The following EIF5B variants were observed in gnomAD, a reference collection of about 807,000 sequenced individuals.
EIF5B encodes eukaryotic translation initiation factor 5B, also known as eIF-5B.
A neutral mutation model predicts 147.5 loss-of-function variants in EIF5B; 47 were observed. The observed-to-expected ratio is 0.32, with a 90% CI of 0.25 to 0.41. The LOEUF is 0.41. EIF5B is among the 10% of genes least tolerant of loss of function. The probability of loss-of-function intolerance (pLI) is 1.00; values close to 1 mark genes in which losing one functional copy is unlikely to be tolerated. For missense variants in EIF5B, 1,064 were observed against 1,413.2 expected (o/e 0.75, Z 3.96); for synonymous variants, 455 against 456.2 (o/e 1.00, Z 0.03).
At chr2:99,386,468 C>CGTGTGTGTGT (rs61494312) in intron 14 of EIF5B, among the ~76,000 whole-genome samples, 31 of 142,482 alleles carry the variant, frequency 2.2e-4, no homozygotes, top group African/African-American at 7.4e-4. Context: ...TTTTGTTTTG[C>CGTGTGTGTGT]GTGTGTGTGT....
In EIF5B at chr2:99,393,115, AT is replaced by A; in HGVS notation, c.2880+24del. ...GTTCTTAAAGTAAGTTCATTTAAAA[AT>A]TTTTTTCCTTAAAAGCTATTTGAGT... On this transcript the variant is annotated intron_variant, in intron 18 of 23. Transcript: ENST00000289371. 5 of 1,503,592 alleles carry A rather than the reference AT, an allele frequency of 3.3e-6. No homozygotes were observed. Among genetic ancestry groups the A allele is most frequent in the East Asian group, 2.5e-5 (1 of 40,292 alleles). 93.1% of individuals were successfully genotyped at this position (1,503,592 alleles called of 1,614,324 possible).
intron 15 of EIF5B, 35 bp downstream of exon 15, chr2:99,389,884 C>A (rs1674887290): frequency 6.3e-7 from 1 of 1,582,876 alleles, no homozygotes; most frequent in South Asian, 1.2e-5. Flanking sequence ...AAGAGCCTAT[C>A]TCAGAATATG....
At chr2:99,340,506 GTTA>G (rs1417718996) in intron 1 of EIF5B, 1 of 152,164 alleles carries the variant, frequency 6.6e-6, no homozygotes, top group Non-Finnish European at 1.5e-5. Flanking sequence ...TGCTTATTTA[GTTA>G]TCAAGAGAAG....
In EIF5B at chr2:99,368,817, A is replaced by G. The variant is rs148197801; in HGVS notation, c.1387+226A>G. On this transcript the variant is annotated intron_variant, in intron 7 of 23. Transcript: ENST00000289371. ...AAAATCTGGGTTCTACCCTATGAAT[A>G]TTGTAACTGTTGTTAACTCTGAGAA... Among the ~76,000 whole-genome samples, 1,406 of 152,348 alleles carry G rather than the reference A, an allele frequency of 9.2e-3. 6 individuals are homozygous for G. The highest frequency in any genetic ancestry group is 0.017 in the Middle Eastern group (5 of 294).
Position 99,400,964 on chromosome 2 carries a change from TATTA to T in EIF5B, c.*1552_*1555del. ...TGTACAAAATATACATACAGTTCTTTATTAAACAACTGTAAACACTTCACTGTAA... is the reference window on the plus strand; with the variant it reads ...TGTACAAAATATACATACAGTTCTTTAACAACTGTAAACACTTCACTGTAA... On this transcript the variant is annotated 3_prime_UTR_variant, in exon 24 of 24. Transcript: ENST00000289371. 4.7e-6 allele frequency: 1 copy of T among 211,080 alleles called. No individual in the cohort carries two copies. The allele number at this position is 211,080 out of a possible 1,614,324, so 13.1% of individuals were successfully genotyped here.
intron 13 of EIF5B, 41 bp from the exon 14 acceptor site, chr2:99,382,739 C>A (rs757206514): frequency 1.3e-6 from 2 of 1,540,806 alleles, no homozygotes; most frequent in East Asian, 2.3e-5. Context: ...GTATTAATTT[C>A]AAGATTTTCT....
Position 99,382,164 on chromosome 2 carries a change from TAGAG to T in EIF5B, c.2071_2074del (p.Glu691MetfsTer8), listed in dbSNP as rs1430795381. The T allele has an allele frequency of 1.2e-6, 2 of 1,612,566 alleles. No homozygotes were observed. The highest frequency in any genetic ancestry group is 1.7e-6 in the Non-Finnish European group (2 of 1,179,094). Reference sequence around the variant, plus strand: ...CTTTTCCCCATTGTTTCTAGTTTGATAGAGAGAATGTACGGATTCCAGGAATGCT... The same window carrying T: ...CTTTTCCCCATTGTTTCTAGTTTGATAGAATGTACGGATTCCAGGAATGCT... On this transcript the variant is annotated frameshift_variant, in exon 13 of 24. Transcript: ENST00000289371. LOFTEE classifies it high-confidence loss of function.
intron 12 of EIF5B, among the ~76,000 whole-genome samples, chr2:99,381,518 G>GTGTGT (rs797002764): frequency 0.061 from 8,741 of 142,950 alleles, 400 homozygotes; most frequent in Admixed American, 0.14. Flanking sequence ...ACAAAAAGGG[G>GTGTGT]GTGTGTGTGT....
rs1385145821 is a variant in EIF5B at position 99,400,560 on chromosome 2, G to A, written c.*1146G>A. 1.3e-5 allele frequency: 2 copies of A among 151,962 alleles called. No individual in the cohort carries two copies. Among genetic ancestry groups the A allele is most frequent in the Non-Finnish European group, 2.9e-5 (2 of 68,008 alleles). 9.4% of individuals were successfully genotyped at this position (151,962 alleles called of 1,614,324 possible). Reference sequence around the variant, plus strand: ...TATATACGTTTGAAAAATCTATACCGTTCTTTTTTATCATCAAAGTTTCTC... The same window carrying A: ...TATATACGTTTGAAAAATCTATACCATTCTTTTTTATCATCAAAGTTTCTC... On this transcript the variant is annotated 3_prime_UTR_variant, in exon 24 of 24. Coordinates refer to ENST00000289371, the MANE Select transcript of EIF5B (RefSeq NM_015904.4).
intron 17 of EIF5B, 132 bp from the exon 18 acceptor site, chr2:99,392,835 C>T (rs1464392122): frequency 4.1e-6 from 3 of 737,792 alleles, no homozygotes; most frequent in Non-Finnish European, 5.8e-6. Context: ...ATTTATCAGT[C>T]TTGTGATTAT....
chr2:99,382,801 C>T lies in EIF5B; in HGVS notation c.2151C>T (p.Ser717=), dbSNP rs772326290. 2.5e-5 allele frequency: 40 copies of T among 1,606,682 alleles called. No individual in the cohort carries two copies. The highest frequency in any genetic ancestry group is 1.7e-4 in the Middle Eastern group (1 of 6,048). ...ACAGTAATCTGAGAAATAGAGGAAG[C>T]TCTCTTTGTGACATTGCCATTTTAG... ...ESFSNLRNRG[S]SLCDIAILVV... The change falls in exon 14 of 24, where the codon AGC becomes AGT. Residue 717 remains serine (S), a synonymous_variant. Transcript: ENST00000289371.
rs1675154744 is a variant in EIF5B, at chr2:99,399,543, A to G, written c.*129A>G. The G allele has an allele frequency of 1.3e-6, 1 of 789,418 alleles. No individual in the cohort carries two copies. Among genetic ancestry groups the G allele is most frequent in the Admixed American group, 2.5e-5 (1 of 40,538 alleles). The allele number at this position is 789,418 out of a possible 1,614,324, so 48.9% of individuals were successfully genotyped here. A position where few individuals can be genotyped will look rare whatever the true frequency, so the allele number is the denominator to read the frequency against. On this transcript the variant is annotated 3_prime_UTR_variant, in exon 24 of 24. Transcript: ENST00000289371. ...ACTTAAGTATGGAAGGAAGAAAAATAGGTGTATAAAATGTTTTCCATGAGA... is the reference window on the plus strand; with the variant it reads ...ACTTAAGTATGGAAGGAAGAAAAATGGGTGTATAAAATGTTTTCCATGAGA...
At chr2:99,363,473 G>A (rs1179016156) in intron 4 of EIF5B, among the ~76,000 whole-genome samples, 172 bp from the exon 5 acceptor site, 1 of 152,196 alleles carries the variant, frequency 6.6e-6, no homozygotes, top group Non-Finnish European at 1.5e-5. Flanking sequence ...GTTATTCTGA[G>A]CTATTCTAGT....
In EIF5B at chr2:99,369,444, A is replaced by G. The variant is rs747302426; in HGVS notation, c.1440A>G (p.Val480=). ...CAAVEVMEQG[V]PEKEETPPPV... is the part of the protein sequence containing the mutation. ...CTGTAGAAGTTATGGAACAAGGAGT[A>G]CCAGAAAAGGAAGAGACACCACCTC... Residue 480 remains valine (V), a synonymous_variant, in exon 8 of 24, where the codon GTA becomes GTG. Coordinates refer to ENST00000289371, the MANE Select transcript of EIF5B (RefSeq NM_015904.4). 2 of 1,610,962 alleles carry G rather than the reference A, an allele frequency of 1.2e-6. No individual in the cohort carries two copies. Among genetic ancestry groups the G allele is most frequent in the African/African-American group, 1.3e-5 (1 of 74,874 alleles).
chr2:99,393,612 A>G (rs548059465), intron 18 of EIF5B, among the ~76,000 whole-genome samples: 1 of 152,304 alleles, frequency 6.6e-6, no homozygotes, highest in Non-Finnish European at 1.5e-5. Context: ...AGAAAATACA[A>G]CTGTTCCCAG....
chr2:99,390,380 G>C lies in EIF5B; in HGVS notation c.2565G>C (p.Glu855Asp). Residue 855 changes from glutamate to aspartate, a missense_variant, in exon 16 of 24, where the codon GAG (glutamate) becomes GAC (aspartate). By Grantham distance (45) the Glu-to-Asp change is conservative. Around this residue, in one of 4 missense-constraint regions of EIF5B, gnomAD observed 380 missense variants for 715.6 expected, o/e 0.53. Coordinates refer to ENST00000289371, the MANE Select transcript of EIF5B (RefSeq NM_015904.4). The part of the protein sequence containing the change: ...MLSKRLAHCE[E>D]LRAQVMEVKA... ...GCAAGAGACTTGCACACTGTGAAGA[G>C]CTGAGAGCACAGGTGATGGAGGTAA... 1 of 1,613,006 alleles carries C rather than the reference G, an allele frequency of 6.2e-7. No individual in the cohort carries two copies. The highest frequency in any genetic ancestry group is 8.5e-7 in the Non-Finnish European group (1 of 1,179,896).
chr2:99,352,146 G>A (rs1673979208), intron 1 of EIF5B, among the ~76,000 whole-genome samples: 1 of 152,092 alleles, frequency 6.6e-6, no homozygotes, highest in Non-Finnish European at 1.5e-5. Flanking sequence ...AATCCTTTAT[G>A]AGATATATGT....
chr2:99,337,929 C>T (rs1049134563), intron 1 of EIF5B, among the ~76,000 whole-genome samples: 1 of 152,240 alleles, frequency 6.6e-6, no homozygotes, highest in Non-Finnish European at 1.5e-5. Context: ...TTCCGCGCTA[C>T]TCTTGGCGAG....
rs1457485359 is a variant in EIF5B at position 99,390,526 on chromosome 2, T to C, written c.2587-18T>C. 4 of 1,599,908 alleles carry C rather than the reference T, an allele frequency of 2.5e-6. No homozygotes were observed. In the African/African-American group the frequency reaches 5.4e-5, roughly 21 times the overall value. On this transcript the variant is annotated intron_variant, in intron 16 of 23. Transcript: ENST00000289371. Reference sequence around the variant, plus strand: ...TGCATTGTATGTATGTCTTTCTCTTTGCATTAATGCCTTTTAGGTTAAAGC... The same window carrying C: ...TGCATTGTATGTATGTCTTTCTCTTCGCATTAATGCCTTTTAGGTTAAAGC...
Sources: gnomAD v4.1 joint callset for allele counts (sites outside exome capture counted in the v4.1 genomes callset) on GRCh38, gnomAD v4.1.1 for gene constraint, gnomAD v4.1.1 regional missense constraint, MANE v1.5 for transcripts, NCBI Gene and HGNC (gene_info 2026-07-23, HGNC 2026-07-21) for gene names.